The following CABLES1 variants were observed in gnomAD, a reference collection of about 807,000 sequenced individuals.
CABLES1 encodes the protein Cdk5 and Abl enzyme substrate 1.
CABLES1 carries 36 observed loss-of-function variants against 57.8 expected under a neutral mutation model. That is an observed-to-expected ratio of 0.62 (90% CI 0.48 to 0.82). The LOEUF (loss-of-function observed/expected upper bound fraction) is 0.82, where lower values mean the gene tolerates loss of function less well. CABLES1 is among the 40% of genes least tolerant of loss of function. The pLI is 0.00. For missense variants in CABLES1, 767 were observed against 836.6 expected, an observed-to-expected ratio of 0.92 and a Z score of 1.03; for synonymous variants, 374 against 363.0, an observed-to-expected ratio of 1.03 and a Z score of -0.35.
At chr18:23,249,051 G>A (rs1270954112) in intron 7 of CABLES1, among the ~76,000 whole-genome samples, 1 of 152,228 alleles carries the variant, frequency 6.6e-6, no homozygotes, top group Non-Finnish European at 1.5e-5. Context: ...CTGCTCTGCT[G>A]TGCTCTACAC....
chr18:23,234,626 A>T lies in CABLES1; in HGVS notation c.1107A>T (p.Gly369=). The T allele has an allele frequency of 6.2e-7, 1 of 1,613,764 alleles. No homozygotes were observed. Among genetic ancestry groups the T allele is most frequent in the South Asian group, 1.1e-5 (1 of 91,058 alleles). ...STQVGDLKLD[G]GRQSTGAVSL... Reference sequence around the variant, plus strand: ...CTCCCAGGGACTTGAAGTTGGACGGAGGAAGACAATCAACTGGTGCAGTGA... The same window carrying T: ...CTCCCAGGGACTTGAAGTTGGACGGTGGAAGACAATCAACTGGTGCAGTGA... The change falls in exon 5 of 10, where the codon GGA becomes GGT. Residue 369 remains glycine, a synonymous_variant. Transcript: ENST00000256925.
intron 1 of CABLES1, among the ~76,000 whole-genome samples, chr18:23,151,680 A>G (rs1008040852): frequency 1.3e-5 from 2 of 152,178 alleles, no homozygotes. Flanking sequence ...ATTGGACTGC[A>G]CTGTGGCAGG....
At chr18:23,204,581 T>C (rs2047349062) in intron 3 of CABLES1, 1 of 152,378 alleles carries the variant, frequency 6.6e-6, no homozygotes, top group Non-Finnish European at 1.5e-5. Context: ...AAGACCTACA[T>C]GAGACTGAGC....
chr18:23,243,468 GTTTTTTTTT>G (rs551293348), intron 7 of CABLES1, among the ~76,000 whole-genome samples: 5 of 101,878 alleles, frequency 4.9e-5, no homozygotes, highest in Non-Finnish European at 1.0e-4. Flanking sequence ...TGGGTTTGGT[GTTTTTTTTT>G]TTTTTTTTTT....
At chr18:23,200,991 T>C (rs1430583434) in intron 3 of CABLES1, among the ~76,000 whole-genome samples, 1 of 152,190 alleles carries the variant, frequency 6.6e-6, no homozygotes, top group Non-Finnish European at 1.5e-5. Flanking sequence ...TTTGAGTGAT[T>C]GGCGTAAAGG....
At chr18:23,148,138 C>T (rs534521917) in intron 1 of CABLES1, among the ~76,000 whole-genome samples, 10 of 152,040 alleles carry the variant, frequency 6.6e-5, no homozygotes, top group African/African-American at 1.4e-4. Flanking sequence ...TACAGGCGCC[C>T]GCCACCATGC....
At chr18:23,240,760 G>A (rs1197609740) in intron 7 of CABLES1, among the ~76,000 whole-genome samples, 1 of 152,202 alleles carries the variant, frequency 6.6e-6, no homozygotes, top group Non-Finnish European at 1.5e-5. Context: ...CAGCAGAGGC[G>A]CCCACCTGAA....
intron 1 of CABLES1, among the ~76,000 whole-genome samples, chr18:23,164,697 A>C: frequency 6.6e-6 from 1 of 152,192 alleles, no homozygotes; most frequent in African/African-American, 2.4e-5. Context: ...TAATTTTTAA[A>C]ATTTTTGATG....
At chr18:23,202,206 TC>T (rs2047330462) in intron 3 of CABLES1, among the ~76,000 whole-genome samples, 1 of 152,142 alleles carries the variant, frequency 6.6e-6, no homozygotes, top group Non-Finnish European at 1.5e-5. Flanking sequence ...TGACCAAAAG[TC>T]AGGGGTGGGC....
intron 1 of CABLES1, among the ~76,000 whole-genome samples, chr18:23,141,866 C>G (rs1019322658): frequency 1.3e-5 from 2 of 152,156 alleles, no homozygotes; most frequent in South Asian, 2.1e-4. Flanking sequence ...CTTTTTTTCT[C>G]TCTTCAGAAA....
At chr18:23,199,115 C>T (rs974161555) in intron 3 of CABLES1, among the ~76,000 whole-genome samples, 4 of 152,056 alleles carry the variant, frequency 2.6e-5, no homozygotes, top group African/African-American at 9.7e-5. Context: ...TAGCTTAAGG[C>T]CAAGGATTAA....
At chr18:23,210,176 C>T (rs192140445) in intron 3 of CABLES1, among the ~76,000 whole-genome samples, 38 of 152,174 alleles carry the variant, frequency 2.5e-4, no homozygotes, top group Admixed American at 5.9e-4. Flanking sequence ...TTCCTCTGGC[C>T]GATGTTCATG....
At position 23,231,759 on chromosome 18, in the gene CABLES1, G is replaced by A. The variant is rs2047568510; in HGVS notation, c.1089-2849G>A. Among the ~76,000 whole-genome samples, 4 of 151,596 alleles carry A rather than the reference G, an allele frequency of 2.6e-5. No homozygotes were observed. In the South Asian group the frequency reaches 8.3e-4, roughly 32 times the overall value. On this transcript the variant is annotated intron_variant, in intron 4 of 9. Coordinates refer to ENST00000256925, the MANE Select transcript of CABLES1 (RefSeq NM_001100619.3). ...GAATAGAATCTTGGACTTTATACGA[G>A]CACATGACTATATTTTTTTTTTGTT...
At chr18:23,145,021 C>T (rs560347638) in intron 1 of CABLES1, among the ~76,000 whole-genome samples, 52 of 151,892 alleles carry the variant, frequency 3.4e-4, no homozygotes, top group Non-Finnish European at 5.7e-4. Context: ...CTGCAACCTC[C>T]GCCTCCTGGG....
chr18:23,246,558 AT>A (rs1266185267), intron 7 of CABLES1, among the ~76,000 whole-genome samples: 4 of 151,680 alleles, frequency 2.6e-5, no homozygotes, highest in Non-Finnish European at 4.4e-5. Context: ...CACCCGGCTA[AT>A]TTTTTGTGTT....
At chr18:23,243,591 C>T (rs1479215368) in intron 7 of CABLES1, among the ~76,000 whole-genome samples, 2 of 148,462 alleles carry the variant, frequency 1.3e-5, no homozygotes, top group African/African-American at 4.9e-5. Flanking sequence ...ATAAAACTAA[C>T]ACAGGCCTCG....
At chr18:23,174,607 G>T (rs556997957) in intron 1 of CABLES1, among the ~76,000 whole-genome samples, 1 of 151,698 alleles carries the variant, frequency 6.6e-6, no homozygotes, top group Non-Finnish European at 1.5e-5. Context: ...GAGTAGCTGG[G>T]ACTACAGGCA....
chr18:23,246,324 G>A (rs1438532367), intron 7 of CABLES1, among the ~76,000 whole-genome samples: 1 of 151,790 alleles, frequency 6.6e-6, no homozygotes, highest in Non-Finnish European at 1.5e-5. Context: ...AGGAGTCGCT[G>A]CTTGTTTAAT....
intron 1 of CABLES1, chr18:23,155,787 T>A: frequency 6.5e-7 from 1 of 1,539,226 alleles, no homozygotes. Flanking sequence ...TCATTTTGAG[T>A]CTTAGGTTTG....
Sources: allele counts gnomAD v4.1 joint callset (sites outside exome capture counted in the v4.1 genomes callset), GRCh38; gene constraint gnomAD v4.1.1; transcripts MANE v1.5; gene names NCBI Gene and HGNC (gene_info 2026-07-23, HGNC 2026-07-21).